The following XPR1 variants were observed in gnomAD, a reference collection of about 807,000 sequenced individuals.
XPR1 encodes xenotropic and polytropic retrovirus receptor 1, also known as solute carrier family 53 member 1.
XPR1 carries 28 observed loss-of-function variants against 87.5 expected under a neutral mutation model. That is an observed-to-expected ratio of 0.32 (90% confidence interval 0.24 to 0.44). The LOEUF (loss-of-function observed/expected upper bound fraction) is 0.44. Among genes scored for constraint, XPR1 ranks in the 20% least tolerant of loss-of-function variants. The probability of loss-of-function intolerance (pLI) is 1.00; values close to 1 mark genes in which losing one functional copy is unlikely to be tolerated. For synonymous variants in XPR1, 300 were observed against 306.1 expected, an observed-to-expected ratio of 0.98 and a Z score of 0.21; for missense variants, 559 against 862.3, an observed-to-expected ratio of 0.65 and a Z score of 4.41.
At position 180,822,020 on chromosome 1, in the gene XPR1, C is replaced by G. The variant is rs543821005; in HGVS notation, c.764-2733C>G. Among the ~76,000 whole-genome samples the G allele has an allele frequency of 3.8e-4, 58 of 152,280 alleles. 3 individuals are homozygous for G. The South Asian group carries it at 0.01, about 27-fold the overall frequency. On this transcript the variant is annotated intron_variant, in intron 7 of 14. Coordinates refer to ENST00000367590, the MANE Select transcript of XPR1 (RefSeq NM_004736.4). ...GGAATCAGGATGTAAAACTATATAT[C>G]ATTTTCCATTTATAACTTCCTAACT...
At chr1:180,689,372 A>G (rs1220826945) in intron 2 of XPR1, among the ~76,000 whole-genome samples, 3 of 152,172 alleles carry the variant, frequency 2.0e-5, no homozygotes, top group Non-Finnish European at 4.4e-5. Context: ...TCTATTTTTA[A>G]AAGATTTAAG....
intron 7 of XPR1, among the ~76,000 whole-genome samples, chr1:180,822,637 GA>G (rs959086003): frequency 5.3e-5 from 8 of 152,016 alleles, no homozygotes; most frequent in African/African-American, 1.9e-4. Context: ...CAAGTAAAAG[GA>G]AAAAGAAACT....
chr1:180,761,822 G>A (rs953890809), intron 2 of XPR1, among the ~76,000 whole-genome samples: 7 of 152,220 alleles, frequency 4.6e-5, no homozygotes, highest in Non-Finnish European at 7.4e-5. Context: ...ACATGCACAC[G>A]TATGTTTATA....
chr1:180,649,683 A>T (rs1020446463), intron 1 of XPR1, among the ~76,000 whole-genome samples: 3 of 152,194 alleles, frequency 2.0e-5, no homozygotes, highest in Non-Finnish European at 4.4e-5. Context: ...GAAGTGGGCT[A>T]GAGATCCTAC....
At chr1:180,694,629 A>T (rs1442091094) in intron 2 of XPR1, among the ~76,000 whole-genome samples, 1 of 150,466 alleles carries the variant, frequency 6.6e-6, no homozygotes, top group Non-Finnish European at 1.5e-5. Flanking sequence ...CCCCTTCCCC[A>T]ATTTTTTTTT....
intron 4 of XPR1, among the ~76,000 whole-genome samples, chr1:180,804,602 AG>A (rs749015689): frequency 5.2e-4 from 79 of 152,272 alleles, no homozygotes; most frequent in Middle Eastern, 6.8e-3. Context: ...ATGTAACAAA[AG>A]TATTACCTGG....
chr1:180,885,306 A>G lies in XPR1; in HGVS notation c.*1240A>G, dbSNP rs1652978515. The G allele has an allele frequency of 6.6e-6, 1 of 152,594 alleles. No individual in the cohort carries two copies. The highest frequency in any genetic ancestry group is 2.4e-5 in the African/African-American group (1 of 41,434). 9.5% of individuals were successfully genotyped at this position (152,594 alleles called of 1,614,324 possible). On this transcript the variant is annotated 3_prime_UTR_variant, in exon 15 of 15. Transcript: ENST00000367590. ...GTTGATACAAAAGACCTTGGCAGCC[A>G]TTTCTCCCAGCAGTTTTAAAGGATG...
rs1018261185 is a variant in XPR1 at position 180,660,396 on chromosome 1, G to A, written c.70-21964G>A. 4.0e-5 allele frequency among the ~76,000 whole-genome samples: 6 copies of A among 151,778 alleles called. No individual in the cohort carries two copies. In the East Asian group the frequency reaches 1.2e-3, roughly 29 times the overall value. On this transcript the variant is annotated intron_variant, in intron 1 of 14. Transcript: ENST00000367590. ...ATTTCTTTTCTTCTGGTAACTTTGGGTTTGGTTAACTCTTGCTTTTGTAGT... is the reference window on the plus strand; with the variant it reads ...ATTTCTTTTCTTCTGGTAACTTTGGATTTGGTTAACTCTTGCTTTTGTAGT...
chr1:180,710,802 C>T (rs954856607), intron 2 of XPR1, among the ~76,000 whole-genome samples: 5 of 148,164 alleles, frequency 3.4e-5, no homozygotes, highest in East Asian at 2.1e-4. Context: ...CCCCACCTCC[C>T]GGATGGGGCG....
intron 2 of XPR1, among the ~76,000 whole-genome samples, chr1:180,764,533 G>A (rs141961786): frequency 6.6e-4 from 100 of 151,790 alleles, no homozygotes; most frequent in African/African-American, 2.2e-3. Context: ...GCAGTAGTGC[G>A]ATCATGGCTC....
intron 1 of XPR1, among the ~76,000 whole-genome samples, chr1:180,667,106 G>C (rs1176076227): frequency 6.6e-6 from 1 of 152,002 alleles, no homozygotes; most frequent in Non-Finnish European, 1.5e-5. Flanking sequence ...GTAGAGACAG[G>C]GTTTCATTAT....
intron 14 of XPR1, 113 bp from the exon 15 acceptor site, chr1:180,883,893 C>T (rs1030543142): frequency 7.0e-6 from 6 of 862,632 alleles, no homozygotes; most frequent in African/African-American, 1.7e-5. Context: ...CAGATAGTCC[C>T]TGTTTAGGAT....
At chr1:180,815,131 G>A (rs1650359767) in intron 7 of XPR1, among the ~76,000 whole-genome samples, 1 of 151,716 alleles carries the variant, frequency 6.6e-6, no homozygotes, top group East Asian at 1.9e-4. Flanking sequence ...TCATTAGTGG[G>A]TGCAATTTTT....
intron 2 of XPR1, among the ~76,000 whole-genome samples, chr1:180,743,176 A>AT (rs570304588): frequency 2.9e-4 from 39 of 136,812 alleles, no homozygotes; most frequent in Non-Finnish European, 2.9e-4. Context: ...TATTATTATT[A>AT]TTTTTTTGCT....
intron 2 of XPR1, among the ~76,000 whole-genome samples, chr1:180,768,782 G>T (rs1648387832): frequency 6.6e-6 from 1 of 152,166 alleles, no homozygotes; most frequent in Non-Finnish European, 1.5e-5. Context: ...CCTGGTAACA[G>T]ATATCCTAAA....
At chr1:180,780,059 T>G (rs554369142) in intron 2 of XPR1, among the ~76,000 whole-genome samples, 1 of 152,230 alleles carries the variant, frequency 6.6e-6, no homozygotes. Flanking sequence ...TACATTTTGT[T>G]TATCCATTTA....
Position 180,851,021 on chromosome 1 carries a change from G to T in XPR1, c.1502-12687G>T, listed in dbSNP as rs892015309. Among the ~76,000 whole-genome samples the T allele has an allele frequency of 3.3e-5, 5 of 151,398 alleles. 1 individual carries two copies. Among genetic ancestry groups the T allele is most frequent in the Admixed American group, 2.0e-4 (3 of 15,184 alleles). On this transcript the variant is annotated intron_variant, in intron 11 of 14. Coordinates refer to ENST00000367590, the MANE Select transcript of XPR1 (RefSeq NM_004736.4). ...TATTTCTTTTAAAGTGGTTATAGTT[G>T]TTAGCATTTCATTTAGTTAAATAAA... is the stretch of plus-strand genomic sequence containing the variant.
At chr1:180,754,651 A>G (rs1647660041) in intron 2 of XPR1, among the ~76,000 whole-genome samples, 1 of 151,830 alleles carries the variant, frequency 6.6e-6, no homozygotes, top group African/African-American at 2.4e-5. Flanking sequence ...TTGTAGAGAC[A>G]GGGTTTCGCC....
chr1:180,850,893 A>G (rs921194414), intron 11 of XPR1, among the ~76,000 whole-genome samples: 5 of 152,032 alleles, frequency 3.3e-5, no homozygotes, highest in Admixed American at 6.6e-5. Context: ...CAGGAGTTCA[A>G]AGTTACAGTG....
Sources: gnomAD v4.1 joint callset for allele counts (sites outside exome capture counted in the v4.1 genomes callset) on GRCh38, gnomAD v4.1.1 for gene constraint, MANE v1.5 for transcripts, NCBI Gene and HGNC (gene_info 2026-07-23, HGNC 2026-07-21) for gene names.